Variants in LY86 observed in about 807,000 individuals in gnomAD.
LY86 encodes MD-1, RP105-associated.
Under a neutral mutation model 17.3 loss-of-function variants are expected in LY86, and 20 were observed. The observed-to-expected ratio is 1.15, with a 90% CI of 0.81 to 1.68. LY86 has a LOEUF of 1.68. Ranked by LOEUF, LY86 falls within the 40% of genes most tolerant of loss-of-function variation. LY86 has a pLI of 0.00. For missense variants in LY86, 200 were observed against 191.9 expected (o/e 1.04, Z -0.25); for synonymous variants, 74 against 70.6 (o/e 1.05, Z -0.24).
chr6:6,589,396 G>A (rs1276385717), intron 1 of LY86, among the ~76,000 whole-genome samples: 1 of 152,244 alleles, frequency 6.6e-6, no homozygotes, highest in African/African-American at 2.4e-5. Flanking sequence ...CACTTCGCAT[G>A]CAGCTATCAA....
At chr6:6,620,718 C>G (rs187834131) in intron 1 of LY86, 5 of 152,434 alleles carry the variant, frequency 3.3e-5, no homozygotes, top group African/African-American at 1.2e-4. Context: ...CTAGCCCAGC[C>G]TAGGCCACTA....
At chr6:6,600,584 C>T (rs1190569903) in intron 1 of LY86, among the ~76,000 whole-genome samples, 1 of 66,166 alleles carries the variant, frequency 1.5e-5, no homozygotes, top group African/African-American at 7.3e-5. Flanking sequence ...AGTGAGACTC[C>T]ATCAAAAAAA....
intron 1 of LY86, among the ~76,000 whole-genome samples, chr6:6,611,971 G>A (rs894838060): frequency 8.6e-6 from 1 of 116,186 alleles, no homozygotes; most frequent in Admixed American, 8.6e-5. Context: ...CTACTTGAAA[G>A]GATATCTACC....
At chr6:6,607,647 C>A (rs1761222033) in intron 1 of LY86, among the ~76,000 whole-genome samples, 1 of 152,110 alleles carries the variant, frequency 6.6e-6, no homozygotes, top group African/African-American at 2.4e-5. Context: ...TGCCTGTAAT[C>A]CCAGCACTTT....
At chr6:6,613,379 G>C (rs1392574470) in intron 1 of LY86, among the ~76,000 whole-genome samples, 1 of 152,160 alleles carries the variant, frequency 6.6e-6, no homozygotes, top group East Asian at 1.9e-4. Context: ...CAGCGGGGGA[G>C]TGGGGAGCGG....
chr6:6,600,519 G>A (rs559070813), intron 1 of LY86, among the ~76,000 whole-genome samples: 43 of 144,804 alleles, frequency 3.0e-4, no homozygotes, highest in Middle Eastern at 3.8e-3. Flanking sequence ...GAACCCGGGA[G>A]GCAGAGGTTG....
chr6:6,596,542 A>G (rs1159229078), intron 1 of LY86, among the ~76,000 whole-genome samples: 1 of 152,260 alleles, frequency 6.6e-6, no homozygotes, highest in Non-Finnish European at 1.5e-5. Context: ...AAGTAGACAA[A>G]TAGCTAGAGA....
At chr6:6,641,436 G>A (rs972010923) in intron 3 of LY86, among the ~76,000 whole-genome samples, 4 of 152,124 alleles carry the variant, frequency 2.6e-5, no homozygotes, top group Non-Finnish European at 5.9e-5. Flanking sequence ...AAAACTCACA[G>A]GCTTCCTCGC....
intron 1 of LY86, among the ~76,000 whole-genome samples, chr6:6,606,749 G>A (rs575755048): frequency 2.6e-5 from 4 of 152,320 alleles, no homozygotes; most frequent in Admixed American, 6.5e-5. Context: ...ACGCCCACCC[G>A]GAACTCGCGC....
chr6:6,612,406 A>C (rs1177916050), intron 1 of LY86, among the ~76,000 whole-genome samples: 5 of 152,218 alleles, frequency 3.3e-5, no homozygotes, highest in Admixed American at 2.0e-4. Flanking sequence ...GTGGGTACCT[A>C]GTCTCACTGG....
intron 3 of LY86, among the ~76,000 whole-genome samples, chr6:6,630,737 G>T (rs1162124108): frequency 3.3e-5 from 5 of 152,144 alleles, no homozygotes; most frequent in East Asian, 1.9e-4. Context: ...CATCTTGGTC[G>T]CACATTAACT....
chr6:6,600,368 T>TCAC (rs1476025335), intron 1 of LY86, among the ~76,000 whole-genome samples: 2 of 152,014 alleles, frequency 1.3e-5, no homozygotes, highest in South Asian at 2.1e-4. Flanking sequence ...GGCAGGCAGA[T>TCAC]CACCTTAGGT....
intron 1 of LY86, among the ~76,000 whole-genome samples, chr6:6,612,409 C>A (rs992317610): frequency 6.6e-6 from 1 of 152,210 alleles, no homozygotes; most frequent in Admixed American, 6.5e-5. Flanking sequence ...GGTACCTAGT[C>A]TCACTGGCCT....
intron 3 of LY86, 141 bp from the exon 4 acceptor site, chr6:6,649,484 G>GGTGGTCGCCGT: frequency 3.4e-6 from 2 of 593,148 alleles, no homozygotes; most frequent in Non-Finnish European, 5.9e-6. Context: ...TGTAGATCAG[G>GGTGGTCGCCGT]AAATGAAAAC....
At chr6:6,612,421 A>G (rs1040844485) in intron 1 of LY86, among the ~76,000 whole-genome samples, 1 of 152,244 alleles carries the variant, frequency 6.6e-6, no homozygotes, top group African/African-American at 2.4e-5. Context: ...CACTGGCCTC[A>G]TAAAAGAAAC....
At chr6:6,593,037 T>C (rs1002860445) in intron 1 of LY86, among the ~76,000 whole-genome samples, 1 of 152,188 alleles carries the variant, frequency 6.6e-6, no homozygotes, top group African/African-American at 2.4e-5. Flanking sequence ...GTAAGGAGGG[T>C]GTATTCGTTT....
At chr6:6,599,409 G>A (rs1219305301) in intron 1 of LY86, among the ~76,000 whole-genome samples, 4 of 152,216 alleles carry the variant, frequency 2.6e-5, no homozygotes, top group African/African-American at 4.8e-5. Flanking sequence ...CAGTGCAGTC[G>A]TAGAGGACTT....
At chr6:6,641,852 G>A (rs1195043476) in intron 3 of LY86, among the ~76,000 whole-genome samples, 1 of 152,248 alleles carries the variant, frequency 6.6e-6, no homozygotes, top group Non-Finnish European at 1.5e-5. Context: ...AAGCCAGGGT[G>A]ATGGGGAAAG....
At chr6:6,618,429 AT>A (rs72090806) in intron 1 of LY86, among the ~76,000 whole-genome samples, 49,200 of 149,120 alleles carry the variant, frequency 0.33, 8,027 homozygotes, top group Middle Eastern at 0.46. Context: ...TATGAATTCA[AT>A]TTTTTTTTTT....
Sources: allele counts gnomAD v4.1 joint callset (sites outside exome capture counted in the v4.1 genomes callset), GRCh38; gene constraint gnomAD v4.1.1; transcripts MANE v1.5; gene names NCBI Gene and HGNC (gene_info 2026-07-23, HGNC 2026-07-21).